Variants in CDH22 observed in about 807,000 individuals in gnomAD.
CDH22 encodes cadherin-22.
Under a neutral mutation model 58.4 loss-of-function variants are expected in CDH22, and 30 were observed. That is an observed-to-expected ratio of 0.51 (90% CI 0.38 to 0.70). The LOEUF is 0.70. CDH22 is among the 30% of genes least tolerant of loss of function. The probability of loss-of-function intolerance (pLI) is 0.00; values close to 1 mark genes in which losing one functional copy is unlikely to be tolerated. For synonymous variants in CDH22, 513 were observed against 558.2 expected (o/e 0.92, Z 1.14); for missense variants, 1,014 against 1,233.9 (o/e 0.82, Z 2.67).
intron 7 of CDH22, among the ~76,000 whole-genome samples, chr20:46,200,037 C>G (rs1172477780): frequency 6.6e-6 from 1 of 151,742 alleles, no homozygotes; most frequent in Non-Finnish European, 1.5e-5. Context: ...GCAATGGCAC[C>G]ATCTTGGCTC....
At chr20:46,305,903 T>C (rs371228643) in intron 1 of CDH22, among the ~76,000 whole-genome samples, 8 of 152,214 alleles carry the variant, frequency 5.3e-5, no homozygotes, top group Non-Finnish European at 8.8e-5. Flanking sequence ...GACCAGTGCC[T>C]GGGGAAGCAG....
Position 46,216,041 on chromosome 20 carries a change from C to A in CDH22, c.838+785G>T, listed in dbSNP as rs1373197249. ...TTCCCTTATCTCTCGGGGGTCAGTCCCCTGTGGCGGGGCCTAATGTGAGAG... is the reference window on the plus strand; with the variant it reads ...TTCCCTTATCTCTCGGGGGTCAGTCACCTGTGGCGGGGCCTAATGTGAGAG... On this transcript the variant is annotated intron_variant, in intron 5 of 11. Transcript: ENST00000537909. The surrounding 1 kb of genome is among the most constrained non-coding windows in gnomAD (Gnocchi z 5.3). Among the ~76,000 whole-genome samples the A allele has an allele frequency of 6.6e-6, 1 of 150,442 alleles. No homozygotes were observed. The highest frequency in any genetic ancestry group is 1.5e-5 in the Non-Finnish European group (1 of 67,460).
At chr20:46,292,634 C>T (rs578210796) in intron 1 of CDH22, among the ~76,000 whole-genome samples, 50 of 152,290 alleles carry the variant, frequency 3.3e-4, no homozygotes, top group African/African-American at 1.2e-3. Context: ...TGCCCCTCTC[C>T]AGAACCCACT....
intron 2 of CDH22, among the ~76,000 whole-genome samples, chr20:46,244,247 ATCT>A (rs1245595149): frequency 6.6e-6 from 1 of 152,206 alleles, no homozygotes; most frequent in Non-Finnish European, 1.5e-5. Context: ...TGGTGATGTC[ATCT>A]TCTGTGGAAT....
intron 10 of CDH22, among the ~76,000 whole-genome samples, chr20:46,182,054 C>T (rs1298153900): frequency 4.0e-5 from 6 of 151,806 alleles, no homozygotes; most frequent in Admixed American, 2.6e-4. Context: ...CTGGCCTCAA[C>T]TGATGTGCCT....
rs189811779 is a variant in CDH22 at position 46,280,141 on chromosome 20, C to T, written c.-400+28114G>A. 1.1e-3 allele frequency among the ~76,000 whole-genome samples: 169 copies of T among 152,242 alleles called. 1 individual carries two copies. The highest frequency in any genetic ancestry group is 3.7e-3 in the African/African-American group (155 of 41,524). On this transcript the variant is annotated intron_variant, in intron 1 of 11. Coordinates refer to ENST00000537909, the MANE Select transcript of CDH22 (RefSeq NM_021248.3). The stretch of plus-strand genomic sequence containing the variant: ...AAGCTCTGGGGTAAAAACAACAGCC[C>T]GGGTGCGGTAGCTCACACCTGTAAT...
At chr20:46,223,691 TTC>T (rs1406099398) in intron 4 of CDH22, among the ~76,000 whole-genome samples, 2,962 of 78,694 alleles carry the variant, frequency 0.038, 81 homozygotes, top group African/African-American at 0.096. Context: ...CTTTCTTTCT[TTC>T]TTTCTTTCTT....
intron 1 of CDH22, among the ~76,000 whole-genome samples, chr20:46,254,294 C>T (rs931592399): frequency 1.3e-5 from 2 of 152,126 alleles, no homozygotes; most frequent in African/African-American, 4.8e-5. Flanking sequence ...GTGGCTTGTG[C>T]CTGTAATCCC....
chr20:46,199,567 G>A lies in CDH22; in HGVS notation c.1287-8C>T, dbSNP rs745402944. ...TCGCGGTCAATGGCGTACCTGCGGG[G>A]GGCAGGGCAGGGCTGATTGAAGGTG... On this transcript the variant is annotated splice_region_variant and splice_polypyrimidine_tract_variant and intron_variant, in intron 7 of 11. Coordinates refer to ENST00000537909, the MANE Select transcript of CDH22 (RefSeq NM_021248.3). 8 of 1,612,070 alleles carry A rather than the reference G, an allele frequency of 5.0e-6. No homozygotes were observed. The African/African-American group carries it at 9.3e-5, about 19-fold the overall frequency.
At position 46,245,454 on chromosome 20, in the gene CDH22, C is replaced by CTCTG. The variant is rs1268331902; in HGVS notation, c.256-4198_256-4197insCAGA. The stretch of plus-strand genomic sequence containing the variant: ...GGTATGGACTAAGTTAGGTTTGTCT[C>CTCTG]TGTCAGAACTCTCTGTGCCTGGCAC... On this transcript the variant is annotated intron_variant, in intron 2 of 11. Coordinates refer to ENST00000537909, the MANE Select transcript of CDH22 (RefSeq NM_021248.3). 2.6e-5 allele frequency among the ~76,000 whole-genome samples: 4 copies of CTCTG among 152,320 alleles called. No homozygotes were observed. In the East Asian group the frequency reaches 7.7e-4, roughly 29 times the overall value.
At chr20:46,188,019 T>C (rs1262651824) in intron 8 of CDH22, among the ~76,000 whole-genome samples, 1 of 152,188 alleles carries the variant, frequency 6.6e-6, no homozygotes, top group African/African-American at 2.4e-5. Flanking sequence ...TCCCCACCTC[T>C]CCAAGTTGGG....
intron 8 of CDH22, among the ~76,000 whole-genome samples, chr20:46,196,807 C>T (rs1233660624): frequency 6.6e-6 from 1 of 152,198 alleles, no homozygotes; most frequent in African/African-American, 2.4e-5. Flanking sequence ...GAGTCAAGAC[C>T]TACAGATACC....
Position 46,174,847 on chromosome 20 carries a change from C to CCCCCCG in CDH22, c.2145_2146insCGGGGG (p.Gly715_Gly716insArgGly). 1 of 1,294,128 alleles carries CCCCCCG rather than the reference C, an allele frequency of 7.7e-7. No individual in the cohort carries two copies. The highest frequency in any genetic ancestry group is 9.8e-7 in the Non-Finnish European group (1 of 1,020,804). The allele number at this position is 1,294,128 out of a possible 1,614,324, so 80.2% of individuals were successfully genotyped here. A position where few individuals can be genotyped will look rare whatever the true frequency, so the allele number is the denominator to read the frequency against. ...GCCTGCGGGGGGCTGCCCGCGCCCCCGCCCGAGCCCCCGCCCGCTCCCCCG... is the reference window on the plus strand; with the variant it reads ...GCCTGCGGGGGGCTGCCCGCGCCCCCCCCCCGGCCCGAGCCCCCGCCCGCTCCCCCG... On this transcript the variant is annotated inframe_insertion, in exon 12 of 12. Transcript: ENST00000537909. The surrounding 1 kb of genome is among the most constrained non-coding windows in gnomAD (Gnocchi z 4.4).
At chr20:46,250,221 T>TTCAC (rs2086360458) in intron 2 of CDH22, among the ~76,000 whole-genome samples, 1 of 152,210 alleles carries the variant, frequency 6.6e-6, no homozygotes, top group Admixed American at 6.5e-5. Flanking sequence ...CATTCATTCA[T>TTCAC]TCATTCACTT....
intron 1 of CDH22, among the ~76,000 whole-genome samples, chr20:46,288,115 T>C (rs1290298470): frequency 1.3e-5 from 2 of 152,088 alleles, no homozygotes; most frequent in African/African-American, 4.8e-5. Flanking sequence ...AGCTTAACAT[T>C]CCCCAATGTG....
intron 3 of CDH22, among the ~76,000 whole-genome samples, chr20:46,228,926 G>A (rs544358536): frequency 2.0e-5 from 3 of 152,336 alleles, no homozygotes; most frequent in South Asian, 4.1e-4. Context: ...TGGGGCCCTC[G>A]ATCATTCCAG....
chr20:46,269,039 G>C (rs927162803), intron 1 of CDH22, among the ~76,000 whole-genome samples: 2 of 152,158 alleles, frequency 1.3e-5, no homozygotes, highest in Admixed American at 6.5e-5. Context: ...TCTCTCTAAC[G>C]ATTAGACATA....
chr20:46,186,307 A>T (rs1007161277), intron 10 of CDH22, among the ~76,000 whole-genome samples: 2 of 151,220 alleles, frequency 1.3e-5, no homozygotes, highest in Non-Finnish European at 1.5e-5. Context: ...GGCTCTTTCC[A>T]CCCTGGACTC....
intron 3 of CDH22, among the ~76,000 whole-genome samples, chr20:46,238,702 C>T (rs2086270702): frequency 6.6e-6 from 1 of 152,236 alleles, no homozygotes; most frequent in Non-Finnish European, 1.5e-5. Flanking sequence ...TTAGCAAATG[C>T]TTTCAGCTCT....
Sources: allele counts gnomAD v4.1 joint callset (sites outside exome capture counted in the v4.1 genomes callset), GRCh38; gene constraint gnomAD v4.1.1; non-coding constraint Gnocchi (gnomAD v3.1); transcripts MANE v1.5; gene names NCBI Gene and HGNC (gene_info 2026-07-23, HGNC 2026-07-21).